Variants in LGI2 observed in about 807,000 individuals in gnomAD.
LGI2 encodes the protein leucine-rich repeat LGI family member 2.
A neutral mutation model predicts 52.0 loss-of-function variants in LGI2; 30 were observed. The observed-to-expected ratio is 0.58, with a 90% CI of 0.43 to 0.78. The LOEUF (loss-of-function observed/expected upper bound fraction) is 0.78. Ranked by LOEUF, LGI2 falls within the 30% of genes least tolerant of loss-of-function variation. The probability of loss-of-function intolerance (pLI) is 0.00; values close to 1 mark genes in which losing one functional copy is unlikely to be tolerated. For missense variants in LGI2, 573 were observed against 692.5 expected, an observed-to-expected ratio of 0.83 and a Z score of 1.94; for synonymous variants, 270 against 271.8, an observed-to-expected ratio of 0.99 and a Z score of 0.06.
At position 25,018,066 on chromosome 4, in the gene LGI2, A is replaced by G. The variant is rs772234716; in HGVS notation, c.578T>C (p.Leu193Pro). ...KMTNSTVSDVLCIGPPEYQEK... is the reference protein window; with the variant it reads ...KMTNSTVSDVPCIGPPEYQEK... ...CTGATACTCTGGTGGACCAATACAC[A>G]GCACATCAGAAACGGTGGAATTTGT... Residue 193 changes from leucine to proline, a missense_variant, in exon 6 of 8, where the codon CTG (leucine) becomes CCG (proline). Coordinates refer to ENST00000382114, the MANE Select transcript of LGI2 (RefSeq NM_018176.4). 6.2e-7 allele frequency: 1 copy of G among 1,613,934 alleles called. No homozygotes were observed. The highest frequency in any genetic ancestry group is 8.5e-7 in the Non-Finnish European group (1 of 1,179,954).
chr4:25,020,026 T>A (rs1725905717), intron 4 of LGI2, among the ~76,000 whole-genome samples: 1 of 152,158 alleles, frequency 6.6e-6, no homozygotes, highest in Non-Finnish European at 1.5e-5. Flanking sequence ...AAAGAAGATT[T>A]ACAGTCTTGT....
intron 1 of LGI2, among the ~76,000 whole-genome samples, chr4:25,030,234 G>A (rs1244945855): frequency 2.0e-5 from 3 of 152,204 alleles, no homozygotes; most frequent in Admixed American, 2.0e-4. Flanking sequence ...GCTTCCCCAG[G>A]TGAGTCTGAT....
intron 4 of LGI2, 126 bp from the exon 5 acceptor site, chr4:25,019,364 G>C: frequency 4.9e-6 from 3 of 613,644 alleles, no homozygotes; most frequent in Non-Finnish European, 5.8e-6. Flanking sequence ...AGAGAAATGA[G>C]CTTAGTTATG....
intron 7 of LGI2, among the ~76,000 whole-genome samples, chr4:25,008,835 C>T (rs1208662209): frequency 2.6e-5 from 4 of 152,154 alleles, no homozygotes; most frequent in African/African-American, 7.2e-5. Flanking sequence ...ATGATTCAGA[C>T]TTGGAGACTG....
At chr4:25,014,484 C>CCCACA (rs1553871855) in intron 6 of LGI2, among the ~76,000 whole-genome samples, 4 of 116,802 alleles carry the variant, frequency 3.4e-5, no homozygotes, top group East Asian at 2.4e-4. Context: ...CCGCCCCCGC[C>CCCACA]AAAAAAAAGG....
At chr4:25,006,213 A>T (rs1725388487) in intron 7 of LGI2, among the ~76,000 whole-genome samples, 1 of 151,540 alleles carries the variant, frequency 6.6e-6, no homozygotes, top group Non-Finnish European at 1.5e-5. Context: ...TTCCGTGGTG[A>T]CTCTCCCCTC....
Position 25,003,933 on chromosome 4 carries a change from G to A in LGI2, c.1156C>T (p.His386Tyr). 6.2e-7 allele frequency: 1 copy of A among 1,614,144 alleles called. No individual in the cohort carries two copies. The highest frequency in any genetic ancestry group is 8.5e-7 in the Non-Finnish European group (1 of 1,180,016). Reference sequence around the variant, plus strand: ...TGGGAGCGGCTGGACAGGATGAGATGCGATTTTCCATCGATATCAACAAAC... The same window carrying A: ...TGGGAGCGGCTGGACAGGATGAGATACGATTTTCCATCGATATCAACAAAC... ...AEFVDIDGKS[H>Y]LILSSRSQVP... The change falls in exon 8 of 8, where the codon CAT (histidine) becomes TAT (tyrosine). Residue 386 changes from histidine to tyrosine, a missense_variant. His to Tyr is a moderately conservative substitution (Grantham distance 83, BLOSUM62 2). Transcript: ENST00000382114.
At chr4:25,016,691 T>C (rs1206547910) in intron 6 of LGI2, among the ~76,000 whole-genome samples, 3 of 152,182 alleles carry the variant, frequency 2.0e-5, no homozygotes, top group African/African-American at 4.8e-5. Context: ...TACCTAGAAA[T>C]GATCTTTACT....
At chr4:24,997,198 T>G (rs951297808), downstream of LGI2, among the ~76,000 whole-genome samples, 5 of 152,202 alleles carry the variant, frequency 3.3e-5, no homozygotes, top group Admixed American at 2.0e-4. Flanking sequence ...CAGAAACCAG[T>G]TGCAAGGACA....
intron 6 of LGI2, among the ~76,000 whole-genome samples, chr4:25,014,830 C>CAAAA (rs60168915): frequency 2.3e-5 from 2 of 85,804 alleles, no homozygotes; most frequent in African/African-American, 4.2e-5. Context: ...GACCTTGTCT[C>CAAAA]AAAAAAAAAA....
intron 7 of LGI2, among the ~76,000 whole-genome samples, chr4:25,006,320 G>A (rs942628487): frequency 2.0e-5 from 3 of 151,958 alleles, no homozygotes; most frequent in African/African-American, 4.8e-5. Flanking sequence ...GACCACCTAC[G>A]AGACCACTGA....
chr4:24,998,679 T>C (rs1390361022), downstream of LGI2, among the ~76,000 whole-genome samples: 2 of 152,194 alleles, frequency 1.3e-5, no homozygotes, highest in Non-Finnish European at 1.5e-5. Context: ...GGTGATTTTT[T>C]AGTTTCCAAG....
downstream of LGI2, among the ~76,000 whole-genome samples, chr4:24,996,522 G>A (rs1446474908): frequency 1.3e-5 from 2 of 152,192 alleles, no homozygotes; most frequent in South Asian, 2.1e-4. Context: ...AGCAGGAGAC[G>A]AGGAGAGAGT....
At chr4:25,014,074 G>T (rs1424374375) in intron 6 of LGI2, among the ~76,000 whole-genome samples, 1 of 152,190 alleles carries the variant, frequency 6.6e-6, no homozygotes, top group Non-Finnish European at 1.5e-5. Flanking sequence ...CAACCAAGAT[G>T]GCTATAAACT....
In LGI2 at chr4:25,003,325, TCTAA is replaced by T. The variant is rs775199212; in HGVS notation, c.*122_*125del. The T allele has an allele frequency of 1.6e-5, 11 of 685,648 alleles. No homozygotes were observed. Among genetic ancestry groups the T allele is most frequent in the African/African-American group, 3.7e-5 (2 of 54,544 alleles). 42.5% of individuals were successfully genotyped at this position (685,648 alleles called of 1,614,324 possible). On this transcript the variant is annotated 3_prime_UTR_variant, in exon 8 of 8. Transcript: ENST00000382114. ...TGTGAGTTCTAAAAGTTTGAAAACA[TCTAA>T]CTATTTCAGTGCTTTTTAATTTCAG...
chr4:25,016,550 G>A lies in LGI2; in HGVS notation c.655+1439C>T, dbSNP rs1725765525. Among the ~76,000 whole-genome samples the A allele has an allele frequency of 1.3e-5, 2 of 152,184 alleles. 1 individual carries two copies. Among genetic ancestry groups the A allele is most frequent in the South Asian group, 4.1e-4 (2 of 4,826 alleles). Reference sequence around the variant, plus strand: ...CCTCGTAGTGGCCTCAGCTGACTGTGGGGCACCTGTCAATTACACAGCTGA... The same window carrying A: ...CCTCGTAGTGGCCTCAGCTGACTGTAGGGCACCTGTCAATTACACAGCTGA... On this transcript the variant is annotated intron_variant, in intron 6 of 7. Transcript: ENST00000382114.
rs1389931919 is a variant in LGI2 at position 25,012,471 on chromosome 4, G to A, written c.684C>T (p.Tyr228=). The A allele has an allele frequency of 3.1e-6, 5 of 1,614,186 alleles. No individual in the cohort carries two copies. The Admixed American group carries it at 5.0e-5, about 16-fold the overall frequency. The change falls in exon 7 of 8, where the codon TAC becomes TAT. Residue 228 remains tyrosine (Y), a synonymous_variant. Coordinates refer to ENST00000382114, the MANE Select transcript of LGI2 (RefSeq NM_018176.4). ...TDFVVHQTLP[Y]QSVSVDTFNS... ...TGAACGTATCCACTGAAACCGACTG[G>A]TAGGGTAAAGTCTGATGAACAACAA...
intron 7 of LGI2, among the ~76,000 whole-genome samples, chr4:25,010,488 A>C (rs1725544162): frequency 6.6e-6 from 1 of 152,156 alleles, no homozygotes; most frequent in African/African-American, 2.4e-5. Context: ...CTGTGCACTC[A>C]ATCCTCATAG....
At chr4:25,026,973 G>C in intron 2 of LGI2, 34 bp from the exon 3 acceptor site, 2 of 1,515,570 alleles carry the variant, frequency 1.3e-6, no homozygotes, top group Non-Finnish European at 1.8e-6. Flanking sequence ...ATGGAGAGAT[G>C]TAAAACTTGA....
Sources: gnomAD v4.1 joint callset for allele counts (sites outside exome capture counted in the v4.1 genomes callset) on GRCh38, gnomAD v4.1.1 for gene constraint, MANE v1.5 for transcripts, NCBI Gene and HGNC (gene_info 2026-07-23, HGNC 2026-07-21) for gene names.